The following CPA6 variants were observed in gnomAD, a reference collection of about 807,000 sequenced individuals.
The protein encoded by CPA6 is carboxypeptidase A6, also known as carboxypeptidase B.
Under a neutral mutation model 63.3 loss-of-function variants are expected in CPA6, and 58 were observed. The observed-to-expected ratio is 0.92, with a 90% confidence interval of 0.74 to 1.14. CPA6 has a LOEUF of 1.14. CPA6 is among the 50% of genes most tolerant of loss of function. The probability of loss-of-function intolerance (pLI) is 0.00; values close to 1 mark genes in which losing one functional copy is unlikely to be tolerated. For synonymous variants in CPA6, 185 were observed against 179.0 expected (o/e 1.03, Z -0.27); for missense variants, 565 against 526.6 (o/e 1.07, Z -0.71).
At chr8:67,432,973 C>A (rs1012301289) in intron 9 of CPA6, among the ~76,000 whole-genome samples, 1 of 152,160 alleles carries the variant, frequency 6.6e-6, no homozygotes, top group Non-Finnish European at 1.5e-5. Context: ...AGTCCTTAAA[C>A]CTGTGGAGTC....
At chr8:67,735,032 T>C (rs942023628) in intron 1 of CPA6, among the ~76,000 whole-genome samples, 7 of 152,222 alleles carry the variant, frequency 4.6e-5, no homozygotes. Flanking sequence ...AACTTTCATC[T>C]TTTATCAGTT....
At chr8:67,538,951 G>A (rs1003961996) in intron 2 of CPA6, among the ~76,000 whole-genome samples, 3 of 152,054 alleles carry the variant, frequency 2.0e-5, no homozygotes, top group South Asian at 2.1e-4. Context: ...GAGCCACCAC[G>A]CCCGGCCCAG....
At chr8:67,531,994 A>C (rs893711815) in intron 2 of CPA6, among the ~76,000 whole-genome samples, 17 of 152,344 alleles carry the variant, frequency 1.1e-4, no homozygotes, top group Non-Finnish European at 1.2e-4. Context: ...TCACAATTAA[A>C]TGTAACATTT....
intron 1 of CPA6, among the ~76,000 whole-genome samples, chr8:67,722,866 C>T (rs1193326746): frequency 6.6e-6 from 1 of 151,718 alleles, no homozygotes. Context: ...AAAATTAAAT[C>T]TCTCATGTTG....
chr8:67,490,185 G>A (rs1303904296), intron 6 of CPA6, among the ~76,000 whole-genome samples: 1 of 152,082 alleles, frequency 6.6e-6, no homozygotes, highest in African/African-American at 2.4e-5. Flanking sequence ...TATGGTTTAG[G>A]TAGGGGTTTC....
In CPA6 at chr8:67,609,936, C is replaced by T. The variant is rs569774987; in HGVS notation, c.192+14240G>A. 3.3e-5 allele frequency among the ~76,000 whole-genome samples: 5 copies of T among 152,262 alleles called. No individual in the cohort carries two copies. In the South Asian group the frequency reaches 8.3e-4, roughly 25 times the overall value. ...ACTTGGGAGGCTGTGACAGGAGAAT[C>T]GCTTGAACCTGGGAGGTGGAGGTTG... On this transcript the variant is annotated intron_variant, in intron 2 of 10. Transcript: ENST00000297770.
chr8:67,571,629 A>C (rs1813488105), intron 2 of CPA6, among the ~76,000 whole-genome samples: 1 of 152,226 alleles, frequency 6.6e-6, no homozygotes, highest in Non-Finnish European at 1.5e-5. Context: ...GAAATTAAAA[A>C]ATATCTTGAG....
At chr8:67,623,683 C>T (rs112399502) in intron 2 of CPA6, among the ~76,000 whole-genome samples, 2,262 of 152,266 alleles carry the variant, frequency 0.015, 21 homozygotes, top group Middle Eastern at 0.054. Context: ...ATCTGCCTGC[C>T]TCAGTCTCCC....
intron 1 of CPA6, among the ~76,000 whole-genome samples, chr8:67,666,950 C>T (rs1162501131): frequency 2.0e-5 from 3 of 152,146 alleles, no homozygotes; most frequent in Non-Finnish European, 4.4e-5. Flanking sequence ...ACCTGCTATG[C>T]ACAAGGTTTA....
chr8:67,701,519 T>G (rs1587712844), intron 1 of CPA6, among the ~76,000 whole-genome samples: 2 of 152,212 alleles, frequency 1.3e-5, no homozygotes, highest in East Asian at 3.8e-4. Flanking sequence ...AGAACAAAAG[T>G]ACACAACCGT....
At chr8:67,485,205 A>C (rs1057184055) in intron 6 of CPA6, among the ~76,000 whole-genome samples, 1 of 152,168 alleles carries the variant, frequency 6.6e-6, no homozygotes, top group African/African-American at 2.4e-5. Context: ...ATGTCACTTA[A>C]TTGTCTAATT....
In CPA6 at chr8:67,482,021, G is replaced by A. The variant is rs150600313; in HGVS notation, c.838+1747C>T. Among the ~76,000 whole-genome samples, 1,229 of 152,300 alleles carry A rather than the reference G, an allele frequency of 8.1e-3. 17 individuals carry two copies. Among genetic ancestry groups the A allele is most frequent in the African/African-American group, 0.028 (1,173 of 41,566 alleles). ...GTTGGCTCACAGAAAAAATCAGAAC[G>A]ATTCAAAACTGGGAAGAGTCAAAGG... On this transcript the variant is annotated intron_variant, in intron 8 of 10. Coordinates refer to ENST00000297770, the MANE Select transcript of CPA6 (RefSeq NM_020361.5).
chr8:67,676,468 G>C (rs182894026), intron 1 of CPA6, among the ~76,000 whole-genome samples: 20 of 152,330 alleles, frequency 1.3e-4, no homozygotes, highest in Middle Eastern at 3.4e-3. Context: ...TTAAGCTGAT[G>C]ATAGTAACTC....
At chr8:67,541,562 C>T (rs1812706476) in intron 2 of CPA6, among the ~76,000 whole-genome samples, 1 of 152,162 alleles carries the variant, frequency 6.6e-6, no homozygotes, top group South Asian at 2.1e-4. Flanking sequence ...TGTGGACCCC[C>T]TTAGAGTTGT....
At chr8:67,520,906 A>G (rs1333572653) in intron 2 of CPA6, among the ~76,000 whole-genome samples, 4 of 152,314 alleles carry the variant, frequency 2.6e-5, no homozygotes, top group African/African-American at 9.6e-5. Context: ...AGTAGGTCTC[A>G]CATTCTGGTC....
intron 1 of CPA6, among the ~76,000 whole-genome samples, chr8:67,671,386 T>G (rs1021685848): frequency 6.6e-6 from 1 of 152,118 alleles, no homozygotes; most frequent in African/African-American, 2.4e-5. Context: ...TCAGCAGGAG[T>G]GGCTCTTCAC....
intron 1 of CPA6, among the ~76,000 whole-genome samples, chr8:67,657,130 C>T (rs1235380141): frequency 6.6e-6 from 1 of 152,140 alleles, no homozygotes; most frequent in Admixed American, 6.5e-5. Context: ...GGTTGCAAAT[C>T]TCAACTAGGG....
At chr8:67,489,440 C>G (rs904979614) in intron 6 of CPA6, among the ~76,000 whole-genome samples, 7 of 152,098 alleles carry the variant, frequency 4.6e-5, no homozygotes, top group Non-Finnish European at 1.0e-4. Context: ...TCATTCAGTT[C>G]TAAATACTGA....
intron 1 of CPA6, among the ~76,000 whole-genome samples, chr8:67,695,579 T>C (rs2128997922): frequency 6.6e-6 from 1 of 152,384 alleles, no homozygotes; most frequent in South Asian, 2.1e-4. Flanking sequence ...TTACTTCTGA[T>C]CAAGGAATTC....
Sources: allele counts gnomAD v4.1 joint callset (sites outside exome capture counted in the v4.1 genomes callset), GRCh38; gene constraint gnomAD v4.1.1; transcripts MANE v1.5; gene names NCBI Gene and HGNC (gene_info 2026-07-23, HGNC 2026-07-21).